The following PCLO variants were observed in gnomAD, a reference collection of about 807,000 sequenced individuals.
PCLO encodes piccolo presynaptic cytomatrix protein, also known as protein piccolo.
A neutral mutation model predicts 427.5 loss-of-function variants in PCLO; 82 were observed. The observed-to-expected ratio is 0.19, with a 90% CI of 0.16 to 0.23. The LOEUF is 0.23. PCLO is among the 10% of genes least tolerant of loss of function. The probability of loss-of-function intolerance (pLI) is 1.00; values close to 1 mark genes in which losing one functional copy is unlikely to be tolerated. For missense variants in PCLO, 6,239 were observed against 6,115.9 expected (o/e 1.02, Z -0.67); for synonymous variants, 2,357 against 2,155.4 (o/e 1.09, Z -2.59).
At chr7:83,085,594 G>A (rs1243373091) in intron 3 of PCLO, among the ~76,000 whole-genome samples, 1 of 152,070 alleles carries the variant, frequency 6.6e-6, no homozygotes, top group Admixed American at 6.6e-5. Flanking sequence ...AGGCACTTGT[G>A]GATGAAAGAC....
chr7:82,826,848 TCTAAA>T (rs1402728031), intron 17 of PCLO, among the ~76,000 whole-genome samples, 188 bp from the exon 18 acceptor site: 1 of 152,094 alleles, frequency 6.6e-6, no homozygotes, highest in Non-Finnish European at 1.5e-5. Context: ...GATTTTGCAC[TCTAAA>T]CTAGTGTTTG....
At chr7:82,809,880 A>G (rs1490997543) in intron 20 of PCLO, among the ~76,000 whole-genome samples, 3 of 151,562 alleles carry the variant, frequency 2.0e-5, no homozygotes, top group East Asian at 3.9e-4. Context: ...TTTAACCCCA[A>G]TCTCCCAAAA....
chr7:83,117,191 A>G (rs1326339582), intron 3 of PCLO, among the ~76,000 whole-genome samples: 1 of 152,114 alleles, frequency 6.6e-6, no homozygotes, highest in Non-Finnish European at 1.5e-5. Context: ...CATTTTCCTG[A>G]GCCTAATTTT....
At chr7:82,913,320 C>T (rs1028168356) in intron 7 of PCLO, among the ~76,000 whole-genome samples, 1 of 151,836 alleles carries the variant, frequency 6.6e-6, no homozygotes, top group African/African-American at 2.4e-5. Context: ...ATTTGAATTC[C>T]TAAAATCTTA....
At chr7:82,870,040 C>T (rs1793192809) in intron 10 of PCLO, among the ~76,000 whole-genome samples, 1 of 151,894 alleles carries the variant, frequency 6.6e-6, no homozygotes, top group Admixed American at 6.6e-5. Context: ...TCAATGCAAT[C>T]TCTATCAAAA....
chr7:82,822,775 T>A, intron 19 of PCLO, 86 bp from the exon 20 acceptor site: 1 of 1,087,192 alleles, frequency 9.2e-7, no homozygotes, highest in Non-Finnish European at 1.4e-6. Flanking sequence ...TGAAACTGCC[T>A]AAAATTTATG....
At chr7:82,909,284 G>A (rs1030729051) in intron 7 of PCLO, among the ~76,000 whole-genome samples, 1 of 151,868 alleles carries the variant, frequency 6.6e-6, no homozygotes, top group African/African-American at 2.4e-5. Flanking sequence ...TTTTAAATCA[G>A]GAGAAAAAAG....
intron 3 of PCLO, among the ~76,000 whole-genome samples, chr7:83,103,564 C>A (rs1160513422): frequency 6.6e-6 from 1 of 151,882 alleles, no homozygotes; most frequent in African/African-American, 2.4e-5. Flanking sequence ...ATTGTCTTAA[C>A]CTATGCATAC....
chr7:83,155,957 A>G lies in PCLO; in HGVS notation c.684T>C (p.Asp228=). ...PIPKQQGPGR[D]PLQQDGTPKS... ...TGGGAGTGCCATCCTGCTGAAGCGGATCCCTACCAGGTCCTTGCTGCTTAG... is the reference window on the plus strand; with the variant it reads ...TGGGAGTGCCATCCTGCTGAAGCGGGTCCCTACCAGGTCCTTGCTGCTTAG... The change falls in exon 2 of 25, where the codon GAT becomes GAC. Residue 228 remains aspartate (D), a synonymous_variant. Coordinates refer to ENST00000333891, the MANE Select transcript of PCLO (RefSeq NM_033026.6). 1 of 1,613,658 alleles carries G rather than the reference A, an allele frequency of 6.2e-7. No individual in the cohort carries two copies. The highest frequency in any genetic ancestry group is 8.5e-7 in the Non-Finnish European group (1 of 1,179,852).
chr7:83,047,514 T>C (rs1789132804), intron 3 of PCLO, among the ~76,000 whole-genome samples: 2 of 151,984 alleles, frequency 1.3e-5, no homozygotes, highest in South Asian at 4.1e-4. Flanking sequence ...GCATATTGAG[T>C]TGAAAATCCA....
rs764022361 is a variant in PCLO at position 82,952,195 on chromosome 7, T to C, written c.8758A>G (p.Met2920Val). Residue 2920 changes from methionine (M) to valine (V), a missense_variant, in exon 5 of 25, where the codon ATG (methionine) becomes GTG (valine). Coordinates refer to ENST00000333891, the MANE Select transcript of PCLO (RefSeq NM_033026.6). ...VTMDESTSSV[M>V]TKIIEDEKPV... ...TTTTCATCTTCTATTATTTTGGTCA[T>C]CACACTTGAAGTAGACTCATCCATT... 3.3e-5 allele frequency: 53 copies of C among 1,613,644 alleles called. No individual in the cohort carries two copies. The South Asian group carries it at 5.8e-4, about 18-fold the overall frequency.
At chr7:82,938,049 C>A (rs1794997763) in intron 6 of PCLO, among the ~76,000 whole-genome samples, 2 of 151,822 alleles carry the variant, frequency 1.3e-5, no homozygotes, top group Admixed American at 1.3e-4. Flanking sequence ...AAGTCAATAA[C>A]AGGACATTTA....
chr7:82,881,610 T>C (rs1348066734), intron 9 of PCLO, among the ~76,000 whole-genome samples: 1 of 152,158 alleles, frequency 6.6e-6, no homozygotes, highest in Non-Finnish European at 1.5e-5. Context: ...ATATAGTTAA[T>C]TTTCAACAAT....
intron 3 of PCLO, among the ~76,000 whole-genome samples, chr7:83,034,832 G>C (rs1047270630): frequency 6.6e-6 from 1 of 152,164 alleles, no homozygotes; most frequent in Non-Finnish European, 1.5e-5. Context: ...ATTTGCAACA[G>C]AGAAAAATGC....
intron 3 of PCLO, among the ~76,000 whole-genome samples, chr7:83,047,566 G>A (rs912849198): frequency 6.6e-6 from 1 of 151,888 alleles, no homozygotes; most frequent in African/African-American, 2.4e-5. Context: ...AAAGAAGACT[G>A]CTATAAAGAA....
intron 21 of PCLO, among the ~76,000 whole-genome samples, chr7:82,804,787 T>A (rs1791425402): frequency 6.6e-6 from 1 of 152,206 alleles, no homozygotes; most frequent in Non-Finnish European, 1.5e-5. Context: ...AATATCACAC[T>A]TCTTTTGTTT....
intron 6 of PCLO, among the ~76,000 whole-genome samples, chr7:82,917,530 A>G (rs1001186267): frequency 6.6e-6 from 1 of 152,056 alleles, no homozygotes; most frequent in African/African-American, 2.4e-5. Context: ...GAGTTTTCAG[A>G]TATTTTTCAT....
intron 3 of PCLO, among the ~76,000 whole-genome samples, chr7:83,111,773 A>G (rs1411019296): frequency 6.6e-6 from 1 of 152,210 alleles, no homozygotes; most frequent in Non-Finnish European, 1.5e-5. Flanking sequence ...AATTTGTGGC[A>G]ACTTGTTACA....
chr7:83,143,328 T>C (rs1212710840), intron 2 of PCLO, among the ~76,000 whole-genome samples: 1 of 152,210 alleles, frequency 6.6e-6, no homozygotes, highest in Non-Finnish European at 1.5e-5. Context: ...TTCATATTCA[T>C]GCATAATTTA....
Sources: gnomAD v4.1 joint callset for allele counts (sites outside exome capture counted in the v4.1 genomes callset) on GRCh38, gnomAD v4.1.1 for gene constraint, MANE v1.5 for transcripts, NCBI Gene and HGNC (gene_info 2026-07-23, HGNC 2026-07-21) for gene names.